SFMBT2: variants seen among roughly 807,000 people sequenced by gnomAD.
SFMBT2 encodes the protein scm-like with four MBT domains protein 2.
SFMBT2 carries 38 observed loss-of-function variants against 110.1 expected under a neutral mutation model. The ratio of observed to expected loss-of-function variants is 0.35; its 90% CI spans 0.27 to 0.45. The LOEUF (loss-of-function observed/expected upper bound fraction) is 0.45. Ranked by LOEUF, SFMBT2 falls within the 20% of genes least tolerant of loss-of-function variation. SFMBT2 has a pLI of 1.00. For synonymous variants in SFMBT2, 425 were observed against 425.4 expected (o/e 1.00, Z 0.01); for missense variants, 1,011 against 1,094.9 (o/e 0.92, Z 1.08).
At chr10:7,239,682 TCTGA>T (rs1057047530) in intron 9 of SFMBT2, among the ~76,000 whole-genome samples, 1 of 152,228 alleles carries the variant, frequency 6.6e-6, no homozygotes, top group African/African-American at 2.4e-5. Context: ...ATTGTAATTC[TCTGA>T]CTGCTTTGAT....
Position 7,367,751 on chromosome 10 carries a change from C to G in SFMBT2, c.334G>C (p.Gly112Arg). ...QLLLLRYCGY[G>R]EDRRADFWCD... is the part of the protein sequence containing the mutation. ...CAGAAGTCGGCCCTGCGGTCCTCCCCGTAACCGCAGTAGCGCAGAAGCAGC... is the reference window on the plus strand; with the variant it reads ...CAGAAGTCGGCCCTGCGGTCCTCCCGGTAACCGCAGTAGCGCAGAAGCAGC... The change falls in exon 4 of 21, where the codon GGG (glycine) becomes CGG (arginine). Residue 112 changes from glycine to arginine, a missense_variant. Physicochemically the swap from Gly to Arg is moderately radical, Grantham distance 125. Around this residue, in one of 2 missense-constraint regions of SFMBT2, gnomAD observed 979 missense variants for 1,016.1 expected, o/e 0.96. Transcript: ENST00000397167. The surrounding 1 kb of genome is among the most constrained non-coding windows in gnomAD (Gnocchi z 6.2). 1 of 1,614,120 alleles carries G rather than the reference C, an allele frequency of 6.2e-7. No homozygotes were observed. The highest frequency in any genetic ancestry group is 8.5e-7 in the Non-Finnish European group (1 of 1,180,032).
intron 4 of SFMBT2, among the ~76,000 whole-genome samples, chr10:7,351,081 G>A (rs907973999): frequency 6.6e-5 from 10 of 152,204 alleles, no homozygotes; most frequent in African/African-American, 1.7e-4. Flanking sequence ...ACTAACAGCT[G>A]TCTTCTCATG....
At chr10:7,164,248 A>C in intron 20 of SFMBT2, 1 of 631,900 alleles carries the variant, frequency 1.6e-6, no homozygotes. Flanking sequence ...TTAGCTGGGC[A>C]TGGTGGTGCA....
chr10:7,212,711 C>T (rs1041324402), intron 11 of SFMBT2, among the ~76,000 whole-genome samples: 14 of 152,166 alleles, frequency 9.2e-5, no homozygotes, highest in African/African-American at 3.1e-4. Flanking sequence ...AAAGATTTTA[C>T]ACTCAGAAAG....
intron 7 of SFMBT2, among the ~76,000 whole-genome samples, chr10:7,272,543 G>A (rs992489864): frequency 2.0e-5 from 3 of 152,150 alleles, no homozygotes; most frequent in Non-Finnish European, 4.4e-5. Flanking sequence ...GCCCCCCACA[G>A]CCTCCCTGAT....
chr10:7,378,055 A>G (rs10905157), intron 2 of SFMBT2, among the ~76,000 whole-genome samples: 128,798 of 138,360 alleles, frequency 0.93, 60,007 homozygotes, highest in East Asian at 1. Flanking sequence ...GGATGGATGG[A>G]TGTGAGTGTG....
chr10:7,357,374 G>C (rs1319753499), intron 4 of SFMBT2, among the ~76,000 whole-genome samples: 1 of 152,172 alleles, frequency 6.6e-6, no homozygotes, highest in Non-Finnish European at 1.5e-5. Context: ...CCTCTTGCTT[G>C]TGGGTGGGCC....
chr10:7,258,148 G>T (rs1160386460), intron 7 of SFMBT2, among the ~76,000 whole-genome samples: 2 of 151,426 alleles, frequency 1.3e-5, no homozygotes, highest in Non-Finnish European at 2.9e-5. Context: ...GCTCAGGCTG[G>T]TCTCAAACTC....
At chr10:7,384,504 T>G (rs1163741336) in intron 1 of SFMBT2, among the ~76,000 whole-genome samples, 1 of 151,000 alleles carries the variant, frequency 6.6e-6, no homozygotes, top group African/African-American at 2.5e-5. Context: ...CAGTTTTTAA[T>G]AATGAAAATA....
chr10:7,321,529 G>T (rs768236965), intron 4 of SFMBT2, among the ~76,000 whole-genome samples: 1 of 152,140 alleles, frequency 6.6e-6, no homozygotes, highest in Non-Finnish European at 1.5e-5. Flanking sequence ...GTGATTCAGG[G>T]TAAAATAACG....
chr10:7,269,365 C>T lies in SFMBT2; in HGVS notation c.870+7527G>A, dbSNP rs573037214. On this transcript the variant is annotated intron_variant, in intron 7 of 20. Transcript: ENST00000397167. ...TCAATCACATTGCATGCACAGACAC[C>T]GACAACCACACAGACGTGTGAACAC... Among the ~76,000 whole-genome samples, 9 of 152,238 alleles carry T rather than the reference C, an allele frequency of 5.9e-5. No homozygotes were observed. In the South Asian group the frequency reaches 1.0e-3, roughly 18 times the overall value.
intron 4 of SFMBT2, among the ~76,000 whole-genome samples, chr10:7,338,108 T>G (rs962637769): frequency 3.3e-5 from 5 of 152,186 alleles, no homozygotes; most frequent in Non-Finnish European, 7.4e-5. Flanking sequence ...GGTACAGAAA[T>G]GACAGTAGCT....
chr10:7,258,621 T>C (rs1700586554), intron 7 of SFMBT2, among the ~76,000 whole-genome samples: 1 of 152,222 alleles, frequency 6.6e-6, no homozygotes, highest in African/African-American at 2.4e-5. Context: ...CAAATTAATA[T>C]ATAATGAGCT....
chr10:7,375,405 C>G (rs558656328), intron 2 of SFMBT2, among the ~76,000 whole-genome samples: 1 of 152,142 alleles, frequency 6.6e-6, no homozygotes, highest in African/African-American at 2.4e-5. Flanking sequence ...ATAAAGGAAC[C>G]GGGAATTGGC....
chr10:7,335,618 C>CACACAT (rs1304283128), intron 4 of SFMBT2, among the ~76,000 whole-genome samples: 1 of 151,466 alleles, frequency 6.6e-6, no homozygotes, highest in East Asian at 1.9e-4. Flanking sequence ...CACACACACA[C>CACACAT]ACAACCATAT....
At chr10:7,395,236 G>A (rs1013909922) in intron 1 of SFMBT2, among the ~76,000 whole-genome samples, 6 of 152,182 alleles carry the variant, frequency 3.9e-5, no homozygotes, top group African/African-American at 1.4e-4. Flanking sequence ...GCAGTGAGCA[G>A]CCACTGCACT....
chr10:7,323,071 T>G (rs963737738), intron 4 of SFMBT2, among the ~76,000 whole-genome samples: 2 of 152,060 alleles, frequency 1.3e-5, no homozygotes, highest in African/African-American at 4.8e-5. Flanking sequence ...AATTGAAAAA[T>G]TATTTATATT....
chr10:7,238,834 T>C (rs1840344331), intron 9 of SFMBT2, among the ~76,000 whole-genome samples: 1 of 152,226 alleles, frequency 6.6e-6, no homozygotes, highest in Admixed American at 6.5e-5. Flanking sequence ...AATTTTAAAA[T>C]AGAAAGTCAT....
intron 16 of SFMBT2, 127 bp from the exon 17 acceptor site, chr10:7,176,292 C>T: frequency 1.8e-6 from 2 of 1,089,896 alleles, no homozygotes; most frequent in East Asian, 2.5e-5. Context: ...TGCAGTTTCC[C>T]ATGTTGCTTC....
Sources: gnomAD v4.1 joint callset for allele counts (sites outside exome capture counted in the v4.1 genomes callset) on GRCh38, gnomAD v4.1.1 for gene constraint, gnomAD v4.1.1 regional missense constraint, Gnocchi (gnomAD v3.1) non-coding constraint, MANE v1.5 for transcripts, NCBI Gene and HGNC (gene_info 2026-07-23, HGNC 2026-07-21) for gene names.